NPAS3: variants seen among roughly 807,000 people sequenced by gnomAD.
The protein encoded by NPAS3 is neuronal PAS domain protein 3.
In NPAS3, 14 loss-of-function variants were observed where a neutral mutation model predicts 73.1. The ratio of observed to expected loss-of-function variants is 0.19; its 90% CI spans 0.13 to 0.30. The LOEUF is 0.30. NPAS3 is among the 10% of genes least tolerant of loss of function. The pLI, the probability that NPAS3 is intolerant of heterozygous loss-of-function variation, is 1.00. For missense variants in NPAS3, 1,096 were observed against 1,250.0 expected (o/e 0.88, Z 1.86); for synonymous variants, 620 against 541.5 (o/e 1.14, Z -2.01).
At chr14:33,534,565 A>G (rs74596868) in intron 4 of NPAS3, among the ~76,000 whole-genome samples, 1 of 152,298 alleles carries the variant, frequency 6.6e-6, no homozygotes, top group Non-Finnish European at 1.5e-5. Flanking sequence ...TTTCCATTTG[A>G]GAAGTCCACA....
At chr14:33,176,752 G>T (rs1371223552) in intron 2 of NPAS3, among the ~76,000 whole-genome samples, 1 of 152,138 alleles carries the variant, frequency 6.6e-6, no homozygotes, top group Non-Finnish European at 1.5e-5. Context: ...GAATTACTGG[G>T]TCAAATGGTA....
chr14:33,684,194 A>G (rs930872378), intron 6 of NPAS3, among the ~76,000 whole-genome samples: 1 of 150,480 alleles, frequency 6.6e-6, no homozygotes, highest in African/African-American at 2.4e-5. Flanking sequence ...AAACGTAACT[A>G]TCCTCTTATG....
chr14:33,564,992 C>T (rs1476089048), intron 5 of NPAS3, among the ~76,000 whole-genome samples: 1 of 152,166 alleles, frequency 6.6e-6, no homozygotes, highest in Non-Finnish European at 1.5e-5. Context: ...CCCTTTTTCT[C>T]ACCAAGTCCT....
At chr14:33,768,035 A>G (rs2062521990) in intron 7 of NPAS3, among the ~76,000 whole-genome samples, 1 of 152,194 alleles carries the variant, frequency 6.6e-6, no homozygotes, top group African/African-American at 2.4e-5. Flanking sequence ...CATCACACAC[A>G]GTCACTCCTT....
chr14:33,370,035 G>A (rs1333724566), intron 4 of NPAS3, among the ~76,000 whole-genome samples: 1 of 152,112 alleles, frequency 6.6e-6, no homozygotes. Context: ...ATAAAAACCT[G>A]TGTGGTCAGC....
chr14:32,984,942 A>G (rs940102307), intron 1 of NPAS3, among the ~76,000 whole-genome samples: 9 of 152,224 alleles, frequency 5.9e-5, no homozygotes, highest in South Asian at 2.1e-4. Context: ...GGACAATTGC[A>G]TCAGTGGGGA....
intron 3 of NPAS3, among the ~76,000 whole-genome samples, chr14:33,257,257 A>T (rs1367153728): frequency 1.3e-5 from 2 of 152,132 alleles, no homozygotes; most frequent in Non-Finnish European, 2.9e-5. Context: ...GTCTGTTTGC[A>T]CCAACGCTTA....
intron 6 of NPAS3, among the ~76,000 whole-genome samples, chr14:33,702,969 G>GTA (rs1322787230): frequency 6.6e-6 from 1 of 152,118 alleles, no homozygotes; most frequent in African/African-American, 2.4e-5. Context: ...ATGGCTTTAT[G>GTA]TATATATATC....
At chr14:33,404,539 A>G (rs2047582909) in intron 4 of NPAS3, among the ~76,000 whole-genome samples, 2 of 152,026 alleles carry the variant, frequency 1.3e-5, no homozygotes, top group East Asian at 1.9e-4. Context: ...TTTTAGACAA[A>G]TGATACCAAG....
intron 3 of NPAS3, among the ~76,000 whole-genome samples, chr14:33,317,502 A>G (rs1370821577): frequency 6.6e-6 from 1 of 152,070 alleles, no homozygotes; most frequent in Non-Finnish European, 1.5e-5. Flanking sequence ...CTTGAACTGT[A>G]CTTCCCATAA....
At chr14:32,989,410 C>T (rs1323096486) in intron 1 of NPAS3, among the ~76,000 whole-genome samples, 2 of 151,956 alleles carry the variant, frequency 1.3e-5, no homozygotes, top group Non-Finnish European at 1.5e-5. Context: ...TTTGGGAGGC[C>T]GAGGCGGGCG....
In NPAS3 at chr14:33,499,873, T is replaced by C. The variant is rs528974338; in HGVS notation, c.469-60248T>C. Among the ~76,000 whole-genome samples, 296 of 152,124 alleles carry C rather than the reference T, an allele frequency of 1.9e-3. 2 individuals are homozygous for C. The highest frequency in any genetic ancestry group is 3.8e-3 in the African/African-American group (157 of 41,558). Reference sequence around the variant, plus strand: ...TTTATCTCTGGCAGCCTTCTCGCAGTGAGGCACAGGAAAAAGAATGCCTGG... The same window carrying C: ...TTTATCTCTGGCAGCCTTCTCGCAGCGAGGCACAGGAAAAAGAATGCCTGG... On this transcript the variant is annotated intron_variant, in intron 4 of 11. Transcript: ENST00000356141.
intron 2 of NPAS3, among the ~76,000 whole-genome samples, chr14:33,162,466 T>A (rs1040270637): frequency 3.9e-5 from 6 of 152,190 alleles, no homozygotes; most frequent in African/African-American, 1.4e-4. Context: ...TAAGGACTAA[T>A]CTTCTGATCT....
At chr14:33,335,760 C>T (rs1472916691) in intron 3 of NPAS3, among the ~76,000 whole-genome samples, 2 of 152,146 alleles carry the variant, frequency 1.3e-5, no homozygotes, top group Non-Finnish European at 2.9e-5. Context: ...TAGCATACTA[C>T]AGTCCATAGT....
chr14:33,781,366 T>C (rs1276916581), intron 9 of NPAS3, among the ~76,000 whole-genome samples: 2 of 152,244 alleles, frequency 1.3e-5, no homozygotes. Context: ...AATTGTGTGA[T>C]GGAATGTCTG....
chr14:33,240,404 A>G (rs965632868), intron 3 of NPAS3, among the ~76,000 whole-genome samples: 35 of 151,644 alleles, frequency 2.3e-4, no homozygotes, highest in African/African-American at 8.5e-4. Context: ...TTTATATTTC[A>G]TGTACCTCTC....
At chr14:33,706,773 A>G (rs1370950320) in intron 6 of NPAS3, among the ~76,000 whole-genome samples, 8 of 152,178 alleles carry the variant, frequency 5.3e-5, no homozygotes, top group Admixed American at 4.6e-4. Flanking sequence ...AGAGACGTCA[A>G]TAAGTTAGCC....
At chr14:32,983,152 GTAA>G (rs2037966687) in intron 1 of NPAS3, among the ~76,000 whole-genome samples, 2 of 152,106 alleles carry the variant, frequency 1.3e-5, no homozygotes, top group South Asian at 4.1e-4. Flanking sequence ...CCTTCAACTA[GTAA>G]TAATAATGAA....
intron 5 of NPAS3, among the ~76,000 whole-genome samples, chr14:33,606,531 A>AT (rs755135338): frequency 8.0e-5 from 12 of 150,548 alleles, no homozygotes; most frequent in Non-Finnish European, 1.8e-4. Context: ...GAACAATGGG[A>AT]TATTCATTCA....
Sources: allele counts gnomAD v4.1 joint callset (sites outside exome capture counted in the v4.1 genomes callset), GRCh38; gene constraint gnomAD v4.1.1; transcripts MANE v1.5; gene names NCBI Gene and HGNC (gene_info 2026-07-23, HGNC 2026-07-21).